The following CLRN3 variants were observed in gnomAD, a reference collection of about 807,000 sequenced individuals.
CLRN3 encodes the protein clarin-3.
Under a neutral mutation model 16.7 loss-of-function variants are expected in CLRN3, and 12 were observed. The ratio of observed to expected loss-of-function variants is 0.72; its 90% CI spans 0.46 to 1.16. CLRN3 has a LOEUF of 1.16. Ranked by LOEUF, CLRN3 falls within the 50% of genes most tolerant of loss-of-function variation. The pLI, the probability that CLRN3 is intolerant of heterozygous loss-of-function variation, is 0.00. For synonymous variants in CLRN3, 118 were observed against 113.0 expected (o/e 1.04, Z -0.28); for missense variants, 296 against 274.2 (o/e 1.08, Z -0.56).
chr10:127,892,540 T>C lies in CLRN3; in HGVS notation c.229+16A>G, dbSNP rs1845268487. 7.9e-7 allele frequency: 1 copy of C among 1,270,140 alleles called. No individual in the cohort carries two copies. Among genetic ancestry groups the C allele is most frequent in the Admixed American group, 1.7e-5 (1 of 59,546 alleles). The allele number at this position is 1,270,140 out of a possible 1,614,324, so 78.7% of individuals were successfully genotyped here. On this transcript the variant is annotated intron_variant, in intron 1 of 2. Transcript: ENST00000368671. ...TTCAATCTCACTATATTCATTCAAA[T>C]TAGTTTATCATTTACCTGCAAACTT...
Position 127,892,713 on chromosome 10 carries a change from A to C in CLRN3, c.72T>G (p.Ile24Met), listed in dbSNP as rs768619796. 6.2e-7 allele frequency: 1 copy of C among 1,613,746 alleles called. No individual in the cohort carries two copies. Among genetic ancestry groups the C allele is most frequent in the Non-Finnish European group, 8.5e-7 (1 of 1,179,648 alleles). Residue 24 changes from isoleucine to methionine, a missense_variant, in exon 1 of 3, where the codon ATT (isoleucine) becomes ATG (methionine). Ile to Met is a conservative substitution (Grantham distance 10, BLOSUM62 1). Coordinates refer to ENST00000368671, the MANE Select transcript of CLRN3 (RefSeq NM_152311.5). Reference protein sequence around the residue: ...FFTSLGSFIVICSILGTQAWI... With the variant: ...FFTSLGSFIVMCSILGTQAWI... The stretch of plus-strand genomic sequence containing the variant: ...ATGCTTGTGTCCCAAGAATAGAGCA[A>C]ATTACAATGAAGGACCCAAGGCTGG...
At chr10:127,883,992 G>A in intron 1 of CLRN3, 117 bp from the exon 2 acceptor site, 1 of 892,466 alleles carries the variant, frequency 1.1e-6, no homozygotes, top group Non-Finnish European at 1.8e-6. Flanking sequence ...ATGTCAGTTA[G>A]AGATACCAGG....
chr10:127,888,603 G>A (rs1427338285), intron 1 of CLRN3, among the ~76,000 whole-genome samples: 1 of 152,166 alleles, frequency 6.6e-6, no homozygotes, highest in East Asian at 1.9e-4. Flanking sequence ...AACACATGGA[G>A]GTTAGTGGAG....
chr10:127,881,249 C>G (rs181827353), intron 2 of CLRN3, among the ~76,000 whole-genome samples: 2 of 152,254 alleles, frequency 1.3e-5, no homozygotes, highest in South Asian at 4.1e-4. Flanking sequence ...GGAATTCCCT[C>G]TCCGTCCAAC....
chr10:127,892,704 A>T lies in CLRN3; in HGVS notation c.81T>A (p.Ile27=). Residue 27 remains isoleucine (I), a synonymous_variant, in exon 1 of 3, where the codon ATT becomes ATA. Coordinates refer to ENST00000368671, the MANE Select transcript of CLRN3 (RefSeq NM_152311.5). ...TGGTGATCCATGCTTGTGTCCCAAGAATAGAGCAAATTACAATGAAGGACC... is the reference window on the plus strand; with the variant it reads ...TGGTGATCCATGCTTGTGTCCCAAGTATAGAGCAAATTACAATGAAGGACC... ...SLGSFIVICS[I]LGTQAWITST... 6.2e-7 allele frequency: 1 copy of T among 1,613,452 alleles called. No individual in the cohort carries two copies. Among genetic ancestry groups the T allele is most frequent in the Non-Finnish European group, 8.5e-7 (1 of 1,179,368 alleles).
At chr10:127,883,443 G>A (rs1482000189) in intron 2 of CLRN3, among the ~76,000 whole-genome samples, 1 of 152,204 alleles carries the variant, frequency 6.6e-6, no homozygotes, top group Non-Finnish European at 1.5e-5. Context: ...TTATGTTAGA[G>A]TCTCAAAAGC....
At chr10:127,884,126 C>T (rs1845164581) in intron 1 of CLRN3, among the ~76,000 whole-genome samples, 1 of 152,224 alleles carries the variant, frequency 6.6e-6, no homozygotes, top group African/African-American at 2.4e-5. Context: ...ATTTTGAAGT[C>T]TCCTAGGAAA....
chr10:127,885,466 C>T (rs1385456112), intron 1 of CLRN3, among the ~76,000 whole-genome samples: 1 of 152,224 alleles, frequency 6.6e-6, no homozygotes, highest in Non-Finnish European at 1.5e-5. Flanking sequence ...TAAATCCCAA[C>T]ATGATTAACA....
intron 2 of CLRN3, 117 bp from the exon 3 acceptor site, chr10:127,878,537 CTT>C (rs1413757856): frequency 2.2e-6 from 3 of 1,386,314 alleles, no homozygotes; most frequent in Middle Eastern, 1.8e-4. Context: ...AGTTTACACT[CTT>C]TTAAGCACTA....
intron 1 of CLRN3, among the ~76,000 whole-genome samples, chr10:127,890,676 G>T (rs1181998554): frequency 6.6e-6 from 1 of 152,100 alleles, no homozygotes; most frequent in African/African-American, 2.4e-5. Flanking sequence ...GTTGGTTTCT[G>T]ATTTGAAAAA....
chr10:127,883,618 C>T lies in CLRN3; in HGVS notation c.409+78G>A, dbSNP rs545411310. ...GTAAACGTGACTGTGTATGTTCATG[C>T]ATGTGTGAGAGGCAGAGACATGGGG... On this transcript the variant is annotated intron_variant, in intron 2 of 2. Coordinates refer to ENST00000368671, the MANE Select transcript of CLRN3 (RefSeq NM_152311.5). 7.0e-6 allele frequency: 7 copies of T among 1,002,944 alleles called. No individual in the cohort carries two copies. In the South Asian group the frequency reaches 7.6e-5, roughly 11 times the overall value. 62.1% of individuals were successfully genotyped at this position (1,002,944 alleles called of 1,614,324 possible).
intron 2 of CLRN3, among the ~76,000 whole-genome samples, chr10:127,880,059 TA>T (rs1327495131): frequency 6.6e-6 from 1 of 152,206 alleles, no homozygotes; most frequent in African/African-American, 2.4e-5. Flanking sequence ...GAGAATGTTT[TA>T]AACACTCCTT....
intron 1 of CLRN3, among the ~76,000 whole-genome samples, chr10:127,885,641 A>G (rs1845184705): frequency 1.3e-5 from 2 of 152,132 alleles, no homozygotes; most frequent in African/African-American, 2.4e-5. Flanking sequence ...CAGTGGCAAG[A>G]TCATCACTCA....
chr10:127,883,800 A>G lies in CLRN3; in HGVS notation c.305T>C (p.Ile102Thr), dbSNP rs767676136. 18 of 1,614,082 alleles carry G rather than the reference A, an allele frequency of 1.1e-5. No individual in the cohort carries two copies. The South Asian group carries it at 1.8e-4, about 16-fold the overall frequency. ...AAACCCAGAGCTCAGCAGCGACGTG[A>G]TCAAACTCAGGACCAGGAACAGGAT... is the stretch of plus-strand genomic sequence containing the variant. ...VTILFLVLSL[I>T]TSLLSSGFTF... Residue 102 changes from isoleucine to threonine, a missense_variant, in exon 2 of 3, where the codon ATC (isoleucine) becomes ACC (threonine). Ile to Thr is a moderately conservative substitution (Grantham distance 89). Transcript: ENST00000368671.
In CLRN3 at chr10:127,892,613, C is replaced by T; in HGVS notation, c.172G>A (p.Gly58Arg). 9 of 1,613,378 alleles carry T rather than the reference C, an allele frequency of 5.6e-6. No homozygotes were observed. Among genetic ancestry groups the T allele is most frequent in the South Asian group, 1.1e-5 (1 of 91,062 alleles). Reference sequence around the variant, plus strand: ...TGACTCAATTCTTCACTACTCTCCCCACGAAAAAGTCCGTAAGTGATGAAA... The same window carrying T: ...TGACTCAATTCTTCACTACTCTCCCTACGAAAAAGTCCGTAAGTGATGAAA... The part of the protein sequence containing the change: ...SIFITYGLFR[G>R]ESSEELSHGL... The change falls in exon 1 of 3, where the codon GGG (glycine) becomes AGG (arginine). Residue 58 changes from glycine (G) to arginine (R), a missense_variant. Gly to Arg is a moderately radical substitution (Grantham distance 125). Coordinates refer to ENST00000368671, the MANE Select transcript of CLRN3 (RefSeq NM_152311.5).
At chr10:127,880,436 A>G (rs1250480098) in intron 2 of CLRN3, among the ~76,000 whole-genome samples, 3 of 152,106 alleles carry the variant, frequency 2.0e-5, no homozygotes, top group African/African-American at 7.2e-5. Flanking sequence ...GTAGATGAGG[A>G]GCTTCGGAAG....
At chr10:127,888,923 G>A (rs913898872) in intron 1 of CLRN3, among the ~76,000 whole-genome samples, 7 of 152,102 alleles carry the variant, frequency 4.6e-5, no homozygotes, top group Admixed American at 2.0e-4. Flanking sequence ...TTTAAAAAAC[G>A]AGCAGGTCAG....
chr10:127,890,454 G>A (rs1025924925), intron 1 of CLRN3, among the ~76,000 whole-genome samples: 3 of 152,088 alleles, frequency 2.0e-5, no homozygotes, highest in Admixed American at 6.5e-5. Flanking sequence ...CTGCTATTTC[G>A]TTTCAAATCT....
In CLRN3 at chr10:127,889,036, A is replaced by C. The variant is rs183744076; in HGVS notation, c.229+3520T>G. 1.4e-4 allele frequency among the ~76,000 whole-genome samples: 22 copies of C among 152,330 alleles called. 1 individual carries two copies. Among genetic ancestry groups the C allele is most frequent in the Admixed American group, 1.1e-3 (17 of 15,294 alleles). On this transcript the variant is annotated intron_variant, in intron 1 of 2. Transcript: ENST00000368671. ...TCCGCTGTAGGCAACGTGATTGCTCAAAGTCCCACACATCTGCAAATCAGA... is the reference window on the plus strand; with the variant it reads ...TCCGCTGTAGGCAACGTGATTGCTCCAAGTCCCACACATCTGCAAATCAGA...
Sources: gnomAD v4.1 joint callset for allele counts (sites outside exome capture counted in the v4.1 genomes callset) on GRCh38, gnomAD v4.1.1 for gene constraint, MANE v1.5 for transcripts, NCBI Gene and HGNC (gene_info 2026-07-23, HGNC 2026-07-21) for gene names.